TIMM23: variants seen among roughly 807,000 people sequenced by gnomAD.
The protein encoded by TIMM23 is translocase of inner mitochondrial membrane 23.
In TIMM23, 19 loss-of-function variants were observed where a neutral mutation model predicts 30.7. The observed-to-expected ratio is 0.62, with a 90% CI of 0.43 to 0.91. The LOEUF is 0.91. Ranked by LOEUF, TIMM23 falls within the 40% of genes least tolerant of loss-of-function variation. TIMM23 has a pLI of 0.00. For synonymous variants in TIMM23, 78 were observed against 98.5 expected (o/e 0.79, Z 1.23); for missense variants, 202 against 269.2 (o/e 0.75, Z 1.75).
At chr10:45,991,353 A>G (rs1231835241) in intron 6 of TIMM23, among the ~76,000 whole-genome samples, 2 of 152,236 alleles carry the variant, frequency 1.3e-5, no homozygotes, top group Admixed American at 1.3e-4. Flanking sequence ...AGATTAAGCT[A>G]GAAGTGGTGG....
chr10:45,989,495 G>C (rs1838094101), intron 6 of TIMM23, among the ~76,000 whole-genome samples: 1 of 152,188 alleles, frequency 6.6e-6, no homozygotes, highest in African/African-American at 2.4e-5. Flanking sequence ...TATATGTGCA[G>C]AAGTGGAATT....
intron 6 of TIMM23, among the ~76,000 whole-genome samples, chr10:45,991,479 C>A (rs1306361734): frequency 6.6e-6 from 1 of 152,072 alleles, no homozygotes; most frequent in African/African-American, 2.4e-5. Flanking sequence ...CAGCTGGGCA[C>A]GGTGGCTCAT....
intron 1 of TIMM23, 80 bp downstream of exon 1, chr10:45,972,810 T>C (rs587642514): frequency 3.2e-6 from 5 of 1,559,114 alleles, no homozygotes; most frequent in African/African-American, 2.8e-5. Flanking sequence ...TGTTTTATGT[T>C]GTTGTTTTTT....
intron 6 of TIMM23, among the ~76,000 whole-genome samples, chr10:45,991,053 T>C (rs1253644364): frequency 6.6e-6 from 1 of 152,218 alleles, no homozygotes; most frequent in Non-Finnish European, 1.5e-5. Flanking sequence ...CCAAAGCCCG[T>C]TGTCTTTCTC....
At chr10:45,990,200 G>A (rs1202437993) in intron 6 of TIMM23, among the ~76,000 whole-genome samples, 8 of 149,282 alleles carry the variant, frequency 5.4e-5, no homozygotes, top group Non-Finnish European at 1.2e-4. Flanking sequence ...TCAGCTCACT[G>A]CAACCTCCAC....
At chr10:45,985,189 A>G (rs1837959096) in intron 4 of TIMM23, among the ~76,000 whole-genome samples, 194 bp from the exon 5 acceptor site, 1 of 152,102 alleles carries the variant, frequency 6.6e-6, no homozygotes, top group African/African-American at 2.4e-5. Flanking sequence ...AAAGTTTTGA[A>G]AGTTTTAACC....
chr10:45,992,916 G>A (rs1406942624), intron 6 of TIMM23, among the ~76,000 whole-genome samples: 2 of 152,068 alleles, frequency 1.3e-5, no homozygotes, highest in African/African-American at 4.8e-5. Context: ...CCACTTTGAT[G>A]ACTCCAGATT....
At chr10:46,001,012 T>A (rs1838515881) in intron 6 of TIMM23, among the ~76,000 whole-genome samples, 1 of 152,232 alleles carries the variant, frequency 6.6e-6, no homozygotes, top group Non-Finnish European at 1.5e-5. Context: ...ATAGCAATGC[T>A]GTTGCAGATA....
At chr10:45,974,610 C>A (rs1183779745) in intron 1 of TIMM23, among the ~76,000 whole-genome samples, 1 of 152,132 alleles carries the variant, frequency 6.6e-6, no homozygotes, top group Admixed American at 6.5e-5. Flanking sequence ...TAAGACAAAT[C>A]ACTGTAGTTG....
rs546797784 is a variant in TIMM23 at position 46,001,922 on chromosome 10, G to A, written c.515-1281G>A. Among the ~76,000 whole-genome samples, 7 of 152,118 alleles carry A rather than the reference G, an allele frequency of 4.6e-5. 1 individual carries two copies. The highest frequency in any genetic ancestry group is 1.7e-4 in the African/African-American group (7 of 41,524). On this transcript the variant is annotated intron_variant, in intron 6 of 6. Coordinates refer to ENST00000580018, the MANE Select transcript of TIMM23 (RefSeq NM_006327.4). ...TGTAGCTTCCTTTTATTTACACTTGGGGACTATTTTTAAGTAACCGATTGA... is the reference window on the plus strand; with the variant it reads ...TGTAGCTTCCTTTTATTTACACTTGAGGACTATTTTTAAGTAACCGATTGA...
intron 2 of TIMM23, among the ~76,000 whole-genome samples, chr10:45,978,940 A>G (rs1162278957): frequency 2.6e-5 from 4 of 152,260 alleles, no homozygotes; most frequent in Non-Finnish European, 4.4e-5. Flanking sequence ...CATACAATGG[A>G]ATATTATTTG....
intron 6 of TIMM23, among the ~76,000 whole-genome samples, chr10:45,993,329 T>TCTGCCTC (rs1266732654): frequency 2.0e-4 from 29 of 147,402 alleles, no homozygotes; most frequent in Non-Finnish European, 3.6e-4. Flanking sequence ...CACAGCACCC[T>TCTGCCTC]CTGCCTCCTG....
intron 4 of TIMM23, chr10:45,984,925 TTTGA>T (rs1475533729): frequency 5.7e-6 from 1 of 174,606 alleles, no homozygotes; most frequent in African/African-American, 2.4e-5. Context: ...TATTCTTTAC[TTTGA>T]TTATCTTTAA....
intron 2 of TIMM23, among the ~76,000 whole-genome samples, chr10:45,981,232 C>T (rs1454712103): frequency 1.6e-5 from 2 of 128,614 alleles, no homozygotes; most frequent in Admixed American, 8.5e-5. Flanking sequence ...AGGCACCGTG[C>T]CTGGCCAAGT....
chr10:45,975,507 G>C lies in TIMM23; in HGVS notation c.160G>C (p.Val54Leu), dbSNP rs1554912869. ...PYLNVDPRYL[V>L]QDTDEFILPT... ...TTTAAATGTGGATCCACGATACCTC[G>C]TGCAGGTAAGATTAAGATTTTACTA... Residue 54 changes from valine (V) to leucine (L), a missense_variant, in exon 2 of 7, where the codon GTG becomes CTG. Val to Leu is a conservative substitution (Grantham distance 32). Transcript: ENST00000580018. The C allele has an allele frequency of 1.9e-6, 3 of 1,613,778 alleles. No individual in the cohort carries two copies. The Admixed American group carries it at 5.0e-5, about 27-fold the overall frequency.
chr10:45,999,171 G>T (rs932319821), intron 6 of TIMM23, among the ~76,000 whole-genome samples: 1 of 150,938 alleles, frequency 6.6e-6, no homozygotes, highest in African/African-American at 2.4e-5. Context: ...GACCAGGTCT[G>T]GCTTTGTTGC....
intron 6 of TIMM23, among the ~76,000 whole-genome samples, chr10:45,991,384 G>A (rs1394023241): frequency 6.6e-6 from 1 of 152,184 alleles, no homozygotes; most frequent in Non-Finnish European, 1.5e-5. Context: ...TAGATTGGAG[G>A]TAGAAGCCTG....
At chr10:45,994,056 G>A (rs1344899201) in intron 6 of TIMM23, among the ~76,000 whole-genome samples, 1 of 152,042 alleles carries the variant, frequency 6.6e-6, no homozygotes, top group Non-Finnish European at 1.5e-5. Flanking sequence ...AAGGAAATAC[G>A]AAATGCTGGG....
At chr10:45,978,093 A>G (rs1194892040) in intron 2 of TIMM23, among the ~76,000 whole-genome samples, 2 of 152,014 alleles carry the variant, frequency 1.3e-5, no homozygotes, top group African/African-American at 4.8e-5. Flanking sequence ...GCTCGTGCCT[A>G]TACTCCCAAC....
Sources: allele counts gnomAD v4.1 joint callset (sites outside exome capture counted in the v4.1 genomes callset), GRCh38; gene constraint gnomAD v4.1.1; transcripts MANE v1.5; gene names NCBI Gene and HGNC (gene_info 2026-07-23, HGNC 2026-07-21).